Variants in FCHSD2 observed in about 807,000 individuals in gnomAD.
FCHSD2 encodes F-BAR and double SH3 domains protein 2.
A neutral mutation model predicts 108.1 loss-of-function variants in FCHSD2; 38 were observed. That is an observed-to-expected ratio of 0.35 (90% CI 0.27 to 0.46). The LOEUF is 0.46. Ranked by LOEUF, FCHSD2 falls within the 20% of genes least tolerant of loss-of-function variation. The pLI is 1.00. For missense variants in FCHSD2, 751 were observed against 897.8 expected (o/e 0.84, Z 2.09); for synonymous variants, 279 against 314.7 (o/e 0.89, Z 1.20).
intron 2 of FCHSD2, among the ~76,000 whole-genome samples, chr11:73,113,750 G>A (rs548019605): frequency 6.6e-6 from 1 of 152,314 alleles, no homozygotes; most frequent in African/African-American, 2.4e-5. Context: ...AAGTTTGTCA[G>A]GTATCTGAAG....
At chr11:72,866,225 T>C (rs1176690879) in intron 13 of FCHSD2, among the ~76,000 whole-genome samples, 2 of 151,458 alleles carry the variant, frequency 1.3e-5, no homozygotes, top group Non-Finnish European at 2.9e-5. Context: ...TAGTAGGAGA[T>C]ATTCCATGAG....
At chr11:72,901,300 T>C (rs902487465) in intron 10 of FCHSD2, among the ~76,000 whole-genome samples, 1 of 47,896 alleles carries the variant, frequency 2.1e-5, no homozygotes, top group Non-Finnish European at 3.9e-5. Context: ...GGGAGGCTGA[T>C]GTGGGAGGAT....
chr11:73,073,498 T>G (rs1372849025), intron 3 of FCHSD2, among the ~76,000 whole-genome samples: 4 of 152,220 alleles, frequency 2.6e-5, no homozygotes, highest in Non-Finnish European at 5.9e-5. Flanking sequence ...CAAGTTTACT[T>G]TGCATGTGCT....
intron 2 of FCHSD2, among the ~76,000 whole-genome samples, chr11:73,117,265 G>A (rs1285999551): frequency 3.3e-5 from 5 of 152,116 alleles, no homozygotes; most frequent in African/African-American, 4.8e-5. Context: ...AGACACAGAC[G>A]GGTTAAGTAA....
chr11:72,999,163 G>A (rs889718608), intron 5 of FCHSD2, among the ~76,000 whole-genome samples: 5 of 152,080 alleles, frequency 3.3e-5, no homozygotes, highest in Non-Finnish European at 7.4e-5. Flanking sequence ...TTTGAAGGAG[G>A]TTTCTTTCAT....
intron 2 of FCHSD2, among the ~76,000 whole-genome samples, chr11:73,101,175 G>T (rs1437055591): frequency 6.6e-6 from 1 of 152,128 alleles, no homozygotes; most frequent in Non-Finnish European, 1.5e-5. Context: ...CCGACCTGAA[G>T]GAGAAACATG....
chr11:73,085,797 G>A (rs144846314), intron 2 of FCHSD2, among the ~76,000 whole-genome samples: 7 of 151,766 alleles, frequency 4.6e-5, no homozygotes, highest in African/African-American at 1.7e-4. Context: ...TCAAGTTGAT[G>A]TTTAAAAAAA....
chr11:72,885,963 G>C (rs1855189240), intron 12 of FCHSD2, among the ~76,000 whole-genome samples: 1 of 152,144 alleles, frequency 6.6e-6, no homozygotes, highest in Admixed American at 6.5e-5. Flanking sequence ...TGGCAAGCCT[G>C]TTCTGATTCA....
chr11:72,891,270 T>C (rs1855308829), intron 10 of FCHSD2, among the ~76,000 whole-genome samples: 1 of 152,214 alleles, frequency 6.6e-6, no homozygotes, highest in South Asian at 2.1e-4. Context: ...TCAAAATTGA[T>C]AGAGTAAGTA....
chr11:72,870,831 C>T (rs1341086825), intron 12 of FCHSD2, among the ~76,000 whole-genome samples: 3 of 124,864 alleles, frequency 2.4e-5, no homozygotes, highest in East Asian at 5.4e-4. Flanking sequence ...ACCCAGGAGG[C>T]GGAGCTTTCA....
intron 8 of FCHSD2, chr11:72,983,676 G>A (rs1466274221): frequency 1.4e-5 from 3 of 214,424 alleles, no homozygotes; most frequent in Non-Finnish European, 2.9e-5. Context: ...GTCTTTCTCC[G>A]ATGATTCAGA....
chr11:73,081,662 G>T (rs2135512152), intron 3 of FCHSD2, among the ~76,000 whole-genome samples: 1 of 152,046 alleles, frequency 6.6e-6, no homozygotes, highest in East Asian at 1.9e-4. Context: ...CACTAGCTGG[G>T]ATTACAAGCA....
chr11:72,901,404 AAAT>A (rs1274445720), intron 10 of FCHSD2, among the ~76,000 whole-genome samples: 7 of 151,986 alleles, frequency 4.6e-5, no homozygotes, highest in South Asian at 4.2e-4. Context: ...CTCAAAAATA[AAAT>A]AATAATAATA....
intron 2 of FCHSD2, among the ~76,000 whole-genome samples, chr11:73,118,260 G>C (rs138356958): frequency 6.6e-6 from 1 of 152,178 alleles, no homozygotes; most frequent in East Asian, 1.9e-4. Flanking sequence ...CAGAGACTGC[G>C]GTGAGCCGAG....
chr11:72,993,746 TG>T (rs1005795514), intron 5 of FCHSD2, among the ~76,000 whole-genome samples: 8 of 113,148 alleles, frequency 7.1e-5, no homozygotes, highest in Non-Finnish European at 1.3e-4. Flanking sequence ...CATCACACAC[TG>T]GGGCCTGTTG....
intron 4 of FCHSD2, among the ~76,000 whole-genome samples, chr11:73,003,211 T>A (rs895397767): frequency 2.0e-5 from 3 of 152,142 alleles, no homozygotes; most frequent in Admixed American, 2.0e-4. Context: ...AACAAAATAA[T>A]CATAAGTAGC....
chr11:73,022,786 A>G (rs1191772080), intron 3 of FCHSD2, among the ~76,000 whole-genome samples: 1 of 152,200 alleles, frequency 6.6e-6, no homozygotes, highest in Non-Finnish European at 1.5e-5. Flanking sequence ...CCTGACTTCA[A>G]GGTATACCTT....
At chr11:73,013,300 A>G (rs1029025758) in intron 4 of FCHSD2, among the ~76,000 whole-genome samples, 53 of 152,150 alleles carry the variant, frequency 3.5e-4, no homozygotes, top group African/African-American at 1.3e-3. Context: ...AATTTCTTTT[A>G]CCAAACTGTC....
At chr11:73,052,428 C>G (rs1051411927) in intron 3 of FCHSD2, among the ~76,000 whole-genome samples, 1 of 151,872 alleles carries the variant, frequency 6.6e-6, no homozygotes, top group African/African-American at 2.4e-5. Context: ...AAAAAGACAC[C>G]TGTCTAAACA....
Sources: gnomAD v4.1 joint callset for allele counts (sites outside exome capture counted in the v4.1 genomes callset) on GRCh38, gnomAD v4.1.1 for gene constraint, MANE v1.5 for transcripts, NCBI Gene and HGNC (gene_info 2026-07-23, HGNC 2026-07-21) for gene names.